Variants in PRSS56 observed in about 807,000 individuals in gnomAD.
PRSS56 encodes the protein protease, serine 56.
A neutral mutation model predicts 66.8 loss-of-function variants in PRSS56; 55 were observed. That is an observed-to-expected ratio of 0.82 (90% confidence interval 0.66 to 1.03). PRSS56 has a LOEUF of 1.03. PRSS56 is among the 50% of genes least tolerant of loss of function. PRSS56 has a pLI of 0.00. For missense variants in PRSS56, 869 were observed against 837.2 expected (o/e 1.04, Z -0.47); for synonymous variants, 409 against 387.9 (o/e 1.05, Z -0.64).
At chr2:232,520,949 G>A (rs575675609) in intron 1 of PRSS56, among the ~76,000 whole-genome samples, 1 of 152,156 alleles carries the variant, frequency 6.6e-6, no homozygotes, top group Non-Finnish European at 1.5e-5. Flanking sequence ...AGAGAGAAAC[G>A]GCCCGGGGCA....
chr2:232,520,445 T>C lies in PRSS56; in HGVS notation c.-154T>C. On this transcript the variant is annotated 5_prime_UTR_variant, in exon 1 of 13. An upstream start codon of the reference 5' UTR is lost. Coordinates refer to ENST00000617714, the MANE Select transcript of PRSS56 (RefSeq NM_001195129.2). ...TGACCAGGGAGGCGGGTAATTTTGA[T>C]GTAAGAGAACGGGGTCAGATGATTT... The C allele has an allele frequency of 1.5e-6, 1 of 677,282 alleles. No individual in the cohort carries two copies. The allele number at this position is 677,282 out of a possible 1,614,324, so 42.0% of individuals were successfully genotyped here.
chr2:232,521,978 C>T lies in PRSS56; in HGVS notation c.264C>T (p.Cys88=), dbSNP rs1315506525. 2 of 1,463,568 alleles carry T rather than the reference C, an allele frequency of 1.4e-6. No homozygotes were observed. Among genetic ancestry groups the T allele is most frequent in the African/African-American group, 1.4e-5 (1 of 70,138 alleles). 90.7% of individuals were successfully genotyped at this position (1,463,568 alleles called of 1,614,324 possible). ...CCCCTTGCCCCTTTCTAGGGCCGTGCGGCGAGAGGCGTCCGAGCACTGCCA... is the reference window on the plus strand; with the variant it reads ...CCCCTTGCCCCTTTCTAGGGCCGTGTGGCGAGAGGCGTCCGAGCACTGCCA... ...LLQDPPEPGP[C]GERRPSTANV... The change falls in exon 4 of 13, where the codon TGC becomes TGT. Residue 88 remains cysteine, a synonymous_variant. Transcript: ENST00000617714.
chr2:232,521,177 C>A, intron 1 of PRSS56, 144 bp from the exon 2 acceptor site: 2 of 635,636 alleles, frequency 3.1e-6, no homozygotes, highest in Non-Finnish European at 5.5e-6. Context: ...GAGTGCTGGG[C>A]CCAGCGTCCC....
Position 232,524,808 on chromosome 2 carries a change from G to A in PRSS56, c.1485G>A (p.Gln495=). ...AGGGGGCCCATGCCTGGATCCTGCA[G>A]GTCCCCTCGGAGCACCTGGCCATGA... is the stretch of plus-strand genomic sequence containing the variant. ...ALQGAHAWIL[Q]VPSEHLAMNF... The change falls in exon 12 of 13, where the codon CAG becomes CAA. Residue 495 remains glutamine, a synonymous_variant. Transcript: ENST00000617714. The A allele has an allele frequency of 6.5e-7, 1 of 1,535,726 alleles. No homozygotes were observed. The highest frequency in any genetic ancestry group is 8.7e-7 in the Non-Finnish European group (1 of 1,146,614).
intron 3 of PRSS56, 41 bp from the exon 4 acceptor site, chr2:232,521,930 G>A: frequency 6.6e-7 from 1 of 1,520,870 alleles, no homozygotes; most frequent in Non-Finnish European, 8.8e-7. Context: ...GGCGAGGATG[G>A]CCAGAACATG....
At chr2:232,524,591 A>G in intron 11 of PRSS56, 147 bp from the exon 12 acceptor site, 1 of 713,478 alleles carries the variant, frequency 1.4e-6, no homozygotes, top group Non-Finnish European at 2.3e-6. Flanking sequence ...TTACTGCTTA[A>G]CTTCTCCGAG....
chr2:232,521,537 C>A, intron 2 of PRSS56, 109 bp downstream of exon 2: 2 of 954,688 alleles, frequency 2.1e-6, no homozygotes, highest in Non-Finnish European at 3.2e-6. Context: ...GGGGCAGAGA[C>A]TGTGTTGGGC....
At chr2:232,521,733 T>TGG in intron 2 of PRSS56, 83 bp from the exon 3 acceptor site, 2 of 1,357,920 alleles carry the variant, frequency 1.5e-6, no homozygotes, top group Non-Finnish European at 2.0e-6. Flanking sequence ...AAAGGAGAGA[T>TGG]GGGGAGAGAG....
chr2:232,522,605 C>G lies in PRSS56; in HGVS notation c.537C>G (p.Pro179=). 1 of 1,535,126 alleles carries G rather than the reference C, an allele frequency of 6.5e-7. No homozygotes were observed. Among genetic ancestry groups the G allele is most frequent in the South Asian group, 1.2e-5 (1 of 83,938 alleles). ...AEEVPVNRIL[P]HPKFDPRTFH... The stretch of plus-strand genomic sequence containing the variant: ...AGGTGCCAGTGAACCGCATCCTGCC[C>G]CACCCCAAGGTGAGAAGGCAGTCCC... Residue 179 remains proline (P), a synonymous_variant, in exon 5 of 13, where the codon CCC becomes CCG. Coordinates refer to ENST00000617714, the MANE Select transcript of PRSS56 (RefSeq NM_001195129.2).
intron 2 of PRSS56, 81 bp from the exon 3 acceptor site, chr2:232,521,735 G>A: frequency 7.3e-7 from 1 of 1,371,282 alleles, no homozygotes; most frequent in Non-Finnish European, 1.0e-6. Flanking sequence ...AGGAGAGATG[G>A]GGAGAGAGAG....
intron 5 of PRSS56, 42 bp downstream of exon 5, chr2:232,522,656 C>T: frequency 6.5e-7 from 1 of 1,531,842 alleles, no homozygotes; most frequent in Non-Finnish European, 8.7e-7. Flanking sequence ...GGGCACCGCA[C>T]CCCCACCCGT....
In PRSS56 at chr2:232,522,574, C is replaced by A; in HGVS notation, c.506C>A (p.Ala169Glu). Residue 169 changes from alanine to glutamate, a missense_variant, in exon 5 of 13, where the codon GCG (alanine) becomes GAG (glutamate). Coordinates refer to ENST00000617714, the MANE Select transcript of PRSS56 (RefSeq NM_001195129.2). Reference protein sequence around the residue: ...TLAEGSRGEQAEEVPVNRILP... With the variant: ...TLAEGSRGEQEEEVPVNRILP... ...GCAGAGGGGTCCCGGGGGGAGCAAG[C>A]GGAGGAGGTGCCAGTGAACCGCATC... 6.5e-7 allele frequency: 1 copy of A among 1,535,018 alleles called. No homozygotes were observed. The highest frequency in any genetic ancestry group is 8.7e-7 in the Non-Finnish European group (1 of 1,146,460).
rs575712686 is a variant in PRSS56, at chr2:232,523,113, G to A, written c.760G>A (p.Asp254Asn). 5.0e-4 allele frequency: 768 copies of A among 1,534,854 alleles called. No homozygotes were observed. Among genetic ancestry groups the A allele is most frequent in the Non-Finnish European group, 6.0e-4 (692 of 1,146,222 alleles). Residue 254 changes from aspartate to asparagine, a missense_variant, in exon 7 of 13, where the codon GAC (aspartate) becomes AAC (asparagine). This residue lies in a region of PRSS56 where 551 missense variants were observed against 506.9 expected (regional missense o/e 1.09). Transcript: ENST00000617714. ...REARVPLLSTDTCRRALGPGL... is the reference protein window; with the variant it reads ...REARVPLLSTNTCRRALGPGL... ...GGCCCGTGTTCCCCTGCTCAGCACCGACACCTGCCGAAGAGCCCTGGGGCC... is the reference window on the plus strand; with the variant it reads ...GGCCCGTGTTCCCCTGCTCAGCACCAACACCTGCCGAAGAGCCCTGGGGCC...
At chr2:232,520,825 G>C (rs935164580) in intron 1 of PRSS56, 130 bp downstream of exon 1, 2 of 611,102 alleles carry the variant, frequency 3.3e-6, no homozygotes, top group Admixed American at 5.8e-5. Flanking sequence ...TGCCCACCCT[G>C]CTGCGAGAAG....
Position 232,523,129 on chromosome 2 carries a change from C to A in PRSS56, c.776C>A (p.Ala259Asp). The change falls in exon 7 of 13, where the codon GCC (alanine) becomes GAC (aspartate). Residue 259 changes from alanine to aspartate, a missense_variant. Ala to Asp is a moderately radical substitution (Grantham distance 126, BLOSUM62 -2). Around this residue, in one of 3 missense-constraint regions of PRSS56, gnomAD observed 551 missense variants for 506.9 expected, o/e 1.09. Transcript: ENST00000617714. The stretch of plus-strand genomic sequence containing the variant: ...CTCAGCACCGACACCTGCCGAAGAG[C>A]CCTGGGGCCCGGGCTGCGCCCCAGC... The part of the protein sequence containing the change: ...PLLSTDTCRR[A>D]LGPGLRPSTM... 2 of 1,533,894 alleles carry A rather than the reference C, an allele frequency of 1.3e-6. No homozygotes were observed. The highest frequency in any genetic ancestry group is 2.4e-5 in the East Asian group (1 of 40,846).
Position 232,524,212 on chromosome 2 carries a change from C to A in PRSS56, c.1351+9C>A. The A allele has an allele frequency of 6.5e-7, 1 of 1,533,130 alleles. No individual in the cohort carries two copies. The highest frequency in any genetic ancestry group is 8.7e-7 in the Non-Finnish European group (1 of 1,145,396). 95.0% of individuals were successfully genotyped at this position (1,533,130 alleles called of 1,614,324 possible). On this transcript the variant is annotated intron_variant, in intron 10 of 12. Transcript: ENST00000617714. ...GCTGCGGCTTCACTCAGGTACCCCG[C>A]GCCCTCCAGCCCAGCCCAGCCCTGG...
chr2:232,521,486 G>A, intron 2 of PRSS56, 58 bp downstream of exon 2: 2 of 1,338,418 alleles, frequency 1.5e-6, no homozygotes, highest in Non-Finnish European at 2.1e-6. Flanking sequence ...GGCCCATTCT[G>A]CTGCCTCTGT....
intron 6 of PRSS56, 89 bp from the exon 7 acceptor site, chr2:232,522,971 G>A: frequency 6.8e-7 from 1 of 1,479,132 alleles, no homozygotes; most frequent in East Asian, 2.5e-5. Context: ...TCTTTCAAAG[G>A]GGGAGGAATC....
Position 232,522,173 on chromosome 2 carries a change from C to A in PRSS56, c.446+13C>A. ...ACTGCTTTGTAGGGTAAGTAGGACCCCCAGGCCTTGCCCAGCTGGGGTCCC... is the reference window on the plus strand; with the variant it reads ...ACTGCTTTGTAGGGTAAGTAGGACCACCAGGCCTTGCCCAGCTGGGGTCCC... On this transcript the variant is annotated intron_variant, in intron 4 of 12. Coordinates refer to ENST00000617714, the MANE Select transcript of PRSS56 (RefSeq NM_001195129.2). 2.0e-6 allele frequency: 3 copies of A among 1,468,072 alleles called. No individual in the cohort carries two copies. The highest frequency in any genetic ancestry group is 2.7e-6 in the Non-Finnish European group (3 of 1,113,900). The allele number at this position is 1,468,072 out of a possible 1,614,324, so 90.9% of individuals were successfully genotyped here.
Sources: allele counts gnomAD v4.1 joint callset (sites outside exome capture counted in the v4.1 genomes callset), GRCh38; gene constraint gnomAD v4.1.1; regional missense constraint gnomAD v4.1.1; transcripts MANE v1.5; gene names NCBI Gene and HGNC (gene_info 2026-07-23, HGNC 2026-07-21).